Variants in ZNF285 observed in about 807,000 individuals in gnomAD.
ZNF285 encodes the protein zinc finger protein 285.
In ZNF285, 4 loss-of-function variants were observed where a neutral mutation model predicts 6.2. That is an observed-to-expected ratio of 0.65 (90% CI 0.32 to 1.49). The LOEUF is 1.49. ZNF285 is among the 40% of genes most tolerant of loss of function. The probability of loss-of-function intolerance (pLI) is 0.07; values close to 1 mark genes in which losing one functional copy is unlikely to be tolerated. For synonymous variants in ZNF285, 240 were observed against 245.8 expected, an observed-to-expected ratio of 0.98 and a Z score of 0.22; for missense variants, 695 against 708.8, an observed-to-expected ratio of 0.98 and a Z score of 0.22.
chr19:44,395,017 T>G lies in ZNF285; in HGVS notation c.15+2182A>C, dbSNP rs149907047. ...GGTTCACACAGCCTACTCCTCATTC[T>G]CCCTTCTCTGCCTCAGCTATAGAGC... On this transcript the variant is annotated intron_variant, in intron 2 of 3. Transcript: ENST00000614994. 1.4e-3 allele frequency among the ~76,000 whole-genome samples: 220 copies of G among 152,212 alleles called. 1 individual carries two copies. Among genetic ancestry groups the G allele is most frequent in the African/African-American group, 5.2e-3 (215 of 41,486 alleles).
intron 2 of ZNF285, among the ~76,000 whole-genome samples, chr19:44,393,267 T>C (rs1308387055): frequency 2.6e-5 from 4 of 152,160 alleles, no homozygotes; most frequent in African/African-American, 9.7e-5. Context: ...CATATGTTTG[T>C]GGGTGATTGT....
chr19:44,388,056 TA>T lies in ZNF285; in HGVS notation c.188del (p.Leu63Ter). 1.2e-6 allele frequency: 2 copies of T among 1,614,086 alleles called. No individual in the cohort carries two copies. Among genetic ancestry groups the T allele is most frequent in the Non-Finnish European group, 1.7e-6 (2 of 1,180,000 alleles). ...NNILNLQAKGLSYLSQEVLHC... is the reference protein window; with the variant it reads ...NNILNLQAKGXSYLSQEVLHC... ...GAAGCACTTCTTGCGAAAGGTAACT[TA>T]ACCCCTTTGCCTGAAGATTCAAAAT... On this transcript the variant is annotated frameshift_variant, in exon 4 of 4. Coordinates refer to ENST00000614994, the MANE Select transcript of ZNF285 (RefSeq NM_152354.6). LOFTEE classifies it low-confidence loss of function (END_TRUNC).
chr19:44,394,268 G>T (rs1051379130), intron 2 of ZNF285, among the ~76,000 whole-genome samples: 2 of 151,998 alleles, frequency 1.3e-5, no homozygotes, highest in African/African-American at 4.8e-5. Flanking sequence ...TTGTGGGGTG[G>T]GGGGAGTGGG....
intron 2 of ZNF285, among the ~76,000 whole-genome samples, chr19:44,395,454 G>A (rs1307408016): frequency 6.6e-6 from 1 of 152,084 alleles, no homozygotes; most frequent in African/African-American, 2.4e-5. Flanking sequence ...GACATTATGA[G>A]ATACAACAAC....
rs1437598914 is a variant in ZNF285, at chr19:44,387,362, T to C, written c.883A>G (p.Met295Val). The C allele has an allele frequency of 6.8e-6, 11 of 1,614,052 alleles. No homozygotes were observed. In the African/African-American group the frequency reaches 9.3e-5, roughly 14 times the overall value. Residue 295 changes from methionine to valine, a missense_variant, in exon 4 of 4, where the codon ATG becomes GTG. By Grantham distance (21) the Met-to-Val change is conservative (BLOSUM62 1). Transcript: ENST00000614994. The part of the protein sequence containing the change: ...KTPYEFHEWP[M>V]GCKQSSDLPR... ...AGGTCTGAGCTCTGTTTGCAGCCCA[T>C]AGGCCATTCGTGGAATTCATAGGGA... is the stretch of plus-strand genomic sequence containing the variant.
At position 44,387,059 on chromosome 19, in the gene ZNF285, C is replaced by G. The variant is rs772309003; in HGVS notation, c.1186G>C (p.Gly396Arg). The G allele has an allele frequency of 6.2e-7, 1 of 1,614,166 alleles. No individual in the cohort carries two copies. The highest frequency in any genetic ancestry group is 8.5e-7 in the Non-Finnish European group (1 of 1,180,032). ...TCACTGCATTTGTAGGGCTTCTCTC[C>G]AGTGTGGACTCTCTGATGGACAAGA... The part of the protein sequence containing the change: ...NLLVHQRVHT[G>R]EKPYKCSECG... Residue 396 changes from glycine to arginine, a missense_variant, in exon 4 of 4, where the codon GGA (glycine) becomes CGA (arginine). Coordinates refer to ENST00000614994, the MANE Select transcript of ZNF285 (RefSeq NM_152354.6).
In ZNF285 at chr19:44,387,285, T is replaced by C; in HGVS notation, c.960A>G (p.Glu320=). The C allele has an allele frequency of 6.2e-7, 1 of 1,614,158 alleles. No individual in the cohort carries two copies. The highest frequency in any genetic ancestry group is 8.5e-7 in the Non-Finnish European group (1 of 1,180,028). Residue 320 remains glutamate (E), a synonymous_variant, in exon 4 of 4, where the codon GAA becomes GAG. Transcript: ENST00000614994. ...SSGDKPYKCK[E]CGKGFRRSSS... Reference sequence around the variant, plus strand: ...AGCTGCGCCTGAAGCCCTTGCCACATTCTTTACATTTGTAGGGTTTGTCTC... The same window carrying C: ...AGCTGCGCCTGAAGCCCTTGCCACACTCTTTACATTTGTAGGGTTTGTCTC...
rs1290661942 is a variant in ZNF285, at chr19:44,384,387, T to G, written c.*2085A>C. On this transcript the variant is annotated 3_prime_UTR_variant, in exon 4 of 4. Transcript: ENST00000614994. Reference sequence around the variant, plus strand: ...CAATGCACATTGTACATATGATACATATAGACAAGATCCTCTCCAGCAACT... The same window carrying G: ...CAATGCACATTGTACATATGATACAGATAGACAAGATCCTCTCCAGCAACT... 1 of 152,194 alleles carries G rather than the reference T, an allele frequency of 6.6e-6. No individual in the cohort carries two copies. Among genetic ancestry groups the G allele is most frequent in the Non-Finnish European group, 1.5e-5 (1 of 68,038 alleles). 9.4% of individuals were successfully genotyped at this position (152,194 alleles called of 1,614,324 possible).
Position 44,386,222 on chromosome 19 carries a change from TACCACAA to T in ZNF285, c.*243_*249del, listed in dbSNP as rs982575947. Reference sequence around the variant, plus strand: ...AAATTTGACCACTAACTACAACCACTACCACAAACCACCCATTTGTCAAAAGTAACCT... The same window carrying T: ...AAATTTGACCACTAACTACAACCACTACCACCCATTTGTCAAAAGTAACCT... On this transcript the variant is annotated 3_prime_UTR_variant, in exon 4 of 4. Coordinates refer to ENST00000614994, the MANE Select transcript of ZNF285 (RefSeq NM_152354.6). The T allele has an allele frequency of 4.7e-6, 2 of 422,626 alleles. No homozygotes were observed. Among genetic ancestry groups the T allele is most frequent in the Non-Finnish European group, 8.5e-6 (2 of 236,192 alleles). The allele number at this position is 422,626 out of a possible 1,614,324, so 26.2% of individuals were successfully genotyped here. A position where few individuals can be genotyped will look rare whatever the true frequency, so the allele number is the denominator to read the frequency against.
Position 44,388,081 on chromosome 19 carries a change from A to C in ZNF285, c.164T>G (p.Ile55Ser), listed in dbSNP as rs778844900. Residue 55 changes from isoleucine (I) to serine (S), a missense_variant, in exon 4 of 4, where the codon ATT (isoleucine) becomes AGT (serine). Ile to Ser is a moderately radical substitution (Grantham distance 142, BLOSUM62 -2). Transcript: ENST00000614994. ...TAACCCCTTTGCCTGAAGATTCAAA[A>C]TGTTGTTTTTAATCCCGTCTCCTAG... ...MLVRDGIKNN[I>S]LNLQAKGLSY... The C allele has an allele frequency of 5.6e-6, 9 of 1,613,332 alleles. No individual in the cohort carries two copies. In the East Asian group the frequency reaches 2.0e-4, roughly 36 times the overall value.
At chr19:44,389,360 G>T (rs12978706) in intron 3 of ZNF285, among the ~76,000 whole-genome samples, 16,396 of 152,112 alleles carry the variant, frequency 0.11, 1,367 homozygotes, top group Admixed American at 0.25. Flanking sequence ...TTTCTGCATT[G>T]TTTTATTGAA....
intron 2 of ZNF285, chr19:44,396,987 A>G (rs1971291887): frequency 8.0e-6 from 5 of 627,472 alleles, no homozygotes; most frequent in South Asian, 2.1e-5. Flanking sequence ...CACTTAGAGT[A>G]GCACCAAAGT....
chr19:44,399,515 G>C (rs1051193797), intron 1 of ZNF285, among the ~76,000 whole-genome samples: 1 of 149,850 alleles, frequency 6.7e-6, no homozygotes, highest in Non-Finnish European at 1.5e-5. Flanking sequence ...AATTGGCTTG[G>C]ATATTATACA....
At chr19:44,400,105 A>C (rs1412605889) in intron 1 of ZNF285, among the ~76,000 whole-genome samples, 1 of 150,624 alleles carries the variant, frequency 6.6e-6, no homozygotes. Context: ...CTTTCAGGGC[A>C]GACAGCAGGG....
intron 2 of ZNF285, chr19:44,396,962 C>G (rs928343500): frequency 1.7e-6 from 1 of 572,390 alleles, no homozygotes; most frequent in African/African-American, 1.9e-5. Flanking sequence ...TGGACTGGTA[C>G]TGATACATGA....
rs1166354512 is a variant in ZNF285, at chr19:44,387,385, G to A, written c.860C>T (p.Pro287Leu). The change falls in exon 4 of 4, where the codon CCC becomes CTC. Residue 287 changes from proline to leucine, a missense_variant. Transcript: ENST00000614994. ...CATAGGCCATTCGTGGAATTCATAGGGAGTCTTGCCAGAGTGAGTTTTACA... is the reference window on the plus strand; with the variant it reads ...CATAGGCCATTCGTGGAATTCATAGAGAGTCTTGCCAGAGTGAGTTTTACA... ...VHCKTHSGKTPYEFHEWPMGC... is the reference protein window; with the variant it reads ...VHCKTHSGKTLYEFHEWPMGC... 1 of 1,614,090 alleles carries A rather than the reference G, an allele frequency of 6.2e-7. No individual in the cohort carries two copies. Among genetic ancestry groups the A allele is most frequent in the Non-Finnish European group, 8.5e-7 (1 of 1,180,030 alleles).
intron 3 of ZNF285, among the ~76,000 whole-genome samples, chr19:44,390,555 C>T (rs1396960858): frequency 6.6e-6 from 1 of 152,080 alleles, no homozygotes; most frequent in East Asian, 1.9e-4. Flanking sequence ...AGAGACTTGG[C>T]TTGTCTCCGA....
In ZNF285 at chr19:44,387,203, C is replaced by T. The variant is rs1364201580; in HGVS notation, c.1042G>A (p.Glu348Lys). 5.1e-5 allele frequency: 82 copies of T among 1,614,112 alleles called. No individual in the cohort carries two copies. The highest frequency in any genetic ancestry group is 6.9e-5 in the Non-Finnish European group (82 of 1,180,032). The change falls in exon 4 of 4, where the codon GAA (glutamate) becomes AAA (lysine). Residue 348 changes from glutamate (E) to lysine (K), a missense_variant. By Grantham distance (56) the Glu-to-Lys change is moderately conservative. Transcript: ENST00000614994. ...HTGEMPYKCDECGKGFGFRSL... is the reference protein window; with the variant it reads ...HTGEMPYKCDKCGKGFGFRSL... ...CTAAATCCAAACCCTTTCCCACATT[C>T]ATCGCATTTGTAGGGCATCTCCCCT... is the stretch of plus-strand genomic sequence containing the variant.
At chr19:44,388,919 T>A (rs2722642) in intron 3 of ZNF285, among the ~76,000 whole-genome samples, 5,191 of 129,218 alleles carry the variant, frequency 0.04, 23 homozygotes, top group East Asian at 0.17. Context: ...TGATGAGCCT[T>A]AAGGGGATGG....
Sources: gnomAD v4.1 joint callset for allele counts (sites outside exome capture counted in the v4.1 genomes callset) on GRCh38, gnomAD v4.1.1 for gene constraint, MANE v1.5 for transcripts, NCBI Gene and HGNC (gene_info 2026-07-23, HGNC 2026-07-21) for gene names.